Variants in CNGB3 observed in about 807,000 individuals in gnomAD.
CNGB3 encodes the protein cyclic nucleotide gated channel subunit beta 3, also known as cyclic nucleotide-gated channel beta-3.
CNGB3 carries 86 observed loss-of-function variants against 92.8 expected under a neutral mutation model. That is an observed-to-expected ratio of 0.93 (90% CI 0.78 to 1.11). The LOEUF is 1.11. Among genes scored for constraint, CNGB3 ranks in the 50% least tolerant of loss-of-function variants. The probability of loss-of-function intolerance (pLI) is 0.00; values close to 1 mark genes in which losing one functional copy is unlikely to be tolerated. For synonymous variants in CNGB3, 333 were observed against 332.7 expected (o/e 1.00, Z -0.01); for missense variants, 1,026 against 956.8 (o/e 1.07, Z -0.95).
At chr8:86,590,779 C>A in intron 15 of CNGB3, among the ~76,000 whole-genome samples, 1 of 147,492 alleles carries the variant, frequency 6.8e-6, no homozygotes, top group East Asian at 2.0e-4. Flanking sequence ...AACATTTTCT[C>A]CTTCATTTCA....
At chr8:86,597,687 G>T (rs1048877278) in intron 15 of CNGB3, among the ~76,000 whole-genome samples, 1 of 152,184 alleles carries the variant, frequency 6.6e-6, no homozygotes, top group Non-Finnish European at 1.5e-5. Context: ...CTGGATTAAA[G>T]AGAGCAAGGA....
chr8:86,737,245 A>G (rs1302355854), intron 2 of CNGB3, among the ~76,000 whole-genome samples: 1 of 152,200 alleles, frequency 6.6e-6, no homozygotes, highest in African/African-American at 2.4e-5. Context: ...TTTTTAAACA[A>G]ATTTTATTCT....
At chr8:86,662,549 A>G (rs1488608289) in intron 6 of CNGB3, among the ~76,000 whole-genome samples, 2 of 152,204 alleles carry the variant, frequency 1.3e-5, no homozygotes, top group African/African-American at 4.8e-5. Flanking sequence ...GTCTTATTCA[A>G]TCTTCATAAT....
chr8:86,697,763 G>A (rs964095050), intron 3 of CNGB3, among the ~76,000 whole-genome samples: 2 of 152,102 alleles, frequency 1.3e-5, no homozygotes, highest in Non-Finnish European at 1.5e-5. Flanking sequence ...TTTACATTAA[G>A]TATATCTCCT....
intron 6 of CNGB3, among the ~76,000 whole-genome samples, chr8:86,664,244 A>G (rs1265674897): frequency 3.9e-5 from 6 of 152,236 alleles, no homozygotes; most frequent in Admixed American, 3.9e-4. Context: ...CCAGAAAATG[A>G]CAATTATTTT....
chr8:86,637,596 G>A (rs910298122), intron 10 of CNGB3, among the ~76,000 whole-genome samples: 9 of 152,044 alleles, frequency 5.9e-5, no homozygotes, highest in African/African-American at 1.9e-4. Flanking sequence ...GAATACAGAT[G>A]TCTTTCAATT....
Position 86,677,950 on chromosome 8 carries a change from T to C in CNGB3, c.339-6852A>G, listed in dbSNP as rs571427315. 5.2e-4 allele frequency among the ~76,000 whole-genome samples: 79 copies of C among 152,338 alleles called. 1 individual carries two copies. The South Asian group carries it at 0.015, about 28-fold the overall frequency. On this transcript the variant is annotated intron_variant, in intron 3 of 17. Coordinates refer to ENST00000320005, the MANE Select transcript of CNGB3 (RefSeq NM_019098.5). ...TTTTCTTTTGCAAACTTTGCTAGAT[T>C]CCTTTTAATTCTTAATTAAGAATTA...
chr8:86,726,018 A>G (rs545246649), intron 3 of CNGB3, among the ~76,000 whole-genome samples: 1 of 152,292 alleles, frequency 6.6e-6, no homozygotes, highest in Admixed American at 6.5e-5. Context: ...TCTTACGGGA[A>G]GTACTTATAA....
At chr8:86,644,601 G>C in intron 9 of CNGB3, 21 bp downstream of exon 9, 2 of 1,598,602 alleles carry the variant, frequency 1.3e-6, no homozygotes, top group Non-Finnish European at 1.7e-6. Flanking sequence ...CTTCCCCCAA[G>C]TATACTGAGT....
At chr8:86,589,727 T>G (rs1192489746) in intron 15 of CNGB3, among the ~76,000 whole-genome samples, 1 of 152,172 alleles carries the variant, frequency 6.6e-6, no homozygotes, top group Non-Finnish European at 1.5e-5. Context: ...TGTCTGTTCT[T>G]TTACATTTGC....
chr8:86,637,927 T>C (rs1823104690), intron 10 of CNGB3, among the ~76,000 whole-genome samples: 1 of 152,162 alleles, frequency 6.6e-6, no homozygotes, highest in African/African-American at 2.4e-5. Context: ...AATTTTTTTC[T>C]ACCGTGGATA....
At chr8:86,581,057 T>C (rs1821754271) in intron 15 of CNGB3, among the ~76,000 whole-genome samples, 1 of 152,082 alleles carries the variant, frequency 6.6e-6, no homozygotes, top group South Asian at 2.1e-4. Flanking sequence ...AAAAAACTTA[T>C]ATAGGGTTTT....
chr8:86,660,573 C>T (rs1007697160), intron 6 of CNGB3: 1 of 534,202 alleles, frequency 1.9e-6, no homozygotes, highest in Non-Finnish European at 3.8e-6. Flanking sequence ...TGGGCTCTTG[C>T]TAGATTATAT....
At chr8:86,689,677 T>C (rs1824266798) in intron 3 of CNGB3, among the ~76,000 whole-genome samples, 3 of 152,062 alleles carry the variant, frequency 2.0e-5, no homozygotes, top group African/African-American at 4.8e-5. Flanking sequence ...TTGTCACTTA[T>C]ATTAGGTATA....
At chr8:86,680,668 A>C (rs1586012402) in intron 3 of CNGB3, among the ~76,000 whole-genome samples, 1 of 152,148 alleles carries the variant, frequency 6.6e-6, no homozygotes, top group South Asian at 2.1e-4. Flanking sequence ...GGAATGGGGG[A>C]CTCTATGCCC....
intron 15 of CNGB3, among the ~76,000 whole-genome samples, chr8:86,592,548 A>G (rs998789821): frequency 3.3e-5 from 5 of 152,218 alleles, no homozygotes; most frequent in Non-Finnish European, 2.9e-5. Flanking sequence ...CATAGCTCAT[A>G]AGTTGTGGCA....
intron 3 of CNGB3, chr8:86,707,453 G>A (rs1030158130): frequency 1.3e-5 from 2 of 152,388 alleles, no homozygotes; most frequent in Non-Finnish European, 2.9e-5. Flanking sequence ...GGCTTTGAAA[G>A]GAGTGAGGGA....
At chr8:86,660,394 A>C in intron 6 of CNGB3, 1 of 450,762 alleles carries the variant, frequency 2.2e-6, no homozygotes, top group Non-Finnish European at 4.4e-6. Context: ...ACTGATCCAG[A>C]GGAGAGTTAA....
intron 17 of CNGB3, among the ~76,000 whole-genome samples, chr8:86,577,124 CAA>C (rs550936026): frequency 7.3e-6 from 1 of 136,898 alleles, no homozygotes; most frequent in Non-Finnish European, 1.6e-5. Flanking sequence ...AATATGAAAC[CAA>C]AAAAAAAGAG....
Sources: gnomAD v4.1 joint callset for allele counts (sites outside exome capture counted in the v4.1 genomes callset) on GRCh38, gnomAD v4.1.1 for gene constraint, MANE v1.5 for transcripts, NCBI Gene and HGNC (gene_info 2026-07-23, HGNC 2026-07-21) for gene names.